Variants in CSF1R observed in about 807,000 individuals in gnomAD.
The protein encoded by CSF1R is macrophage colony-stimulating factor 1 receptor.
Under a neutral mutation model 110.0 loss-of-function variants are expected in CSF1R, and 40 were observed. That is an observed-to-expected ratio of 0.36 (90% CI 0.28 to 0.47). CSF1R has a LOEUF of 0.47. Ranked by LOEUF, CSF1R falls within the 20% of genes least tolerant of loss-of-function variation. CSF1R has a pLI of 0.99. For missense variants in CSF1R, 1,052 were observed against 1,253.0 expected, an observed-to-expected ratio of 0.84 and a Z score of 2.42; for synonymous variants, 523 against 503.4, an observed-to-expected ratio of 1.04 and a Z score of -0.52.
upstream of CSF1R, among the ~76,000 whole-genome samples, chr5:150,087,266 C>T (rs922241473): frequency 4.6e-5 from 7 of 152,172 alleles, no homozygotes; most frequent in Admixed American, 1.3e-4. Context: ...ATAGGAGAAA[C>T]GGAGTTTGTT....
At position 150,056,029 on chromosome 5, in the gene CSF1R, G is replaced by A; in HGVS notation, c.2551C>T (p.Leu851Phe). 6.2e-7 allele frequency: 1 copy of A among 1,614,094 alleles called. No homozygotes were observed. The highest frequency in any genetic ancestry group is 8.5e-7 in the Non-Finnish European group (1 of 1,179,938). The change falls in exon 18 of 21, where the codon CTT (leucine) becomes TTT (phenylalanine). Residue 851 changes from leucine to phenylalanine, a missense_variant. Physicochemically the swap from Leu to Phe is conservative, Grantham distance 22. Around this residue, in one of 5 missense-constraint regions of CSF1R, gnomAD observed 74 missense variants for 187.4 expected, o/e 0.39. Coordinates refer to ENST00000675795, the MANE Select transcript of CSF1R (RefSeq NM_001288705.3). ...YGILLWEIFS[L>F]GLNPYPGILV... is the part of the protein sequence containing the mutation. ...TGGAGTGGGCCCAGTGGCTCACCAA[G>A]TGAGAAGATCTCCCAGAGGAGGATG...
intron 1 of CSF1R, among the ~76,000 whole-genome samples, chr5:150,108,231 T>C (rs1759611157): frequency 6.6e-6 from 1 of 152,178 alleles, no homozygotes; most frequent in Non-Finnish European, 1.5e-5. Flanking sequence ...AGAGAAATCA[T>C]TTTCAGCTGA....
At chr5:150,107,794 T>C (rs1286725416) in intron 1 of CSF1R, among the ~76,000 whole-genome samples, 1 of 152,180 alleles carries the variant, frequency 6.6e-6, no homozygotes, top group Non-Finnish European at 1.5e-5. Flanking sequence ...CTTCATTATG[T>C]AAAATGGGGA....
Position 150,071,431 on chromosome 5 carries a change from G to A in CSF1R, c.1083-860C>T, listed in dbSNP as rs369492296. 9.3e-4 allele frequency among the ~76,000 whole-genome samples: 141 copies of A among 152,282 alleles called. 1 individual carries two copies. In the South Asian group the frequency reaches 0.019, roughly 21 times the overall value. On this transcript the variant is annotated intron_variant, in intron 6 of 20. Transcript: ENST00000675795. Reference sequence around the variant, plus strand: ...TATAGCAAATGGCCAGTTCTTGCTTGGGAAATGTCTGCAGCTACTACTAGA... The same window carrying A: ...TATAGCAAATGGCCAGTTCTTGCTTAGGAAATGTCTGCAGCTACTACTAGA...
chr5:150,053,998 C>G lies in CSF1R; in HGVS notation c.*71G>C. ...CGAAGGCAGAGTTTGTATGTTCTCC[C>G]CGTGTCGCCCCATCCATGGAGGAGT... On this transcript the variant is annotated 3_prime_UTR_variant, in exon 21 of 21. Coordinates refer to ENST00000675795, the MANE Select transcript of CSF1R (RefSeq NM_001288705.3). The G allele has an allele frequency of 6.8e-7, 1 of 1,462,168 alleles. No homozygotes were observed. Among genetic ancestry groups the G allele is most frequent in the Middle Eastern group, 1.8e-4 (1 of 5,500 alleles). 90.6% of individuals were successfully genotyped at this position (1,462,168 alleles called of 1,614,324 possible). A position where few individuals can be genotyped will look rare whatever the true frequency, so the allele number is the denominator to read the frequency against.
At chr5:150,111,596 A>T (rs933129362) in intron 1 of CSF1R, among the ~76,000 whole-genome samples, 2 of 152,194 alleles carry the variant, frequency 1.3e-5, no homozygotes, top group Admixed American at 1.3e-4. Flanking sequence ...AGAAGATAGG[A>T]GTTTTGTCGC....
chr5:150,080,363 C>G, intron 2 of CSF1R, 27 bp from the exon 3 acceptor site: 1 of 1,601,552 alleles, frequency 6.2e-7, no homozygotes, highest in African/African-American at 1.3e-5. Flanking sequence ...CACAGGGTTA[C>G]AACTGCCCTC....
intron 10 of CSF1R, among the ~76,000 whole-genome samples, chr5:150,066,725 GC>G (rs1757792162): frequency 1.3e-5 from 2 of 152,052 alleles, no homozygotes; most frequent in African/African-American, 4.8e-5. Flanking sequence ...TCTCACAAAA[GC>G]CCCAAGGGGG....
Position 150,073,486 on chromosome 5 carries a change from G to A in CSF1R, c.897C>T (p.Ala299=), listed in dbSNP as rs769027439. 6.2e-7 allele frequency: 1 copy of A among 1,612,896 alleles called. No individual in the cohort carries two copies. Among genetic ancestry groups the A allele is most frequent in the South Asian group, 1.1e-5 (1 of 90,982 alleles). ...TSMFFRVVES[A]YLNLSSEQNL... ...TCTGCTCAGAGCTCAAGTTCAAGTA[G>A]GCACTCTCTGGAAAGCAGAACACAC... is the stretch of plus-strand genomic sequence containing the variant. Residue 299 remains alanine, a synonymous_variant, in exon 6 of 21, where the codon GCC becomes GCT. Transcript: ENST00000675795.
At chr5:150,113,337 G>T in exon 1 of CSF1R, 1 of 154,384 alleles carries the variant, frequency 6.5e-6, no homozygotes, top group Non-Finnish European at 1.4e-5. Flanking sequence ...TCCTCACTTC[G>T]TGCTCTCACG....
intron 1 of CSF1R, among the ~76,000 whole-genome samples, chr5:150,104,242 T>C (rs765751301): frequency 6.6e-6 from 1 of 152,172 alleles, no homozygotes; most frequent in East Asian, 1.9e-4. Flanking sequence ...TGGTGGAACA[T>C]GTTTAGGTGG....
intron 1 of CSF1R, among the ~76,000 whole-genome samples, chr5:150,082,241 G>A (rs1450219998): frequency 1.3e-5 from 2 of 152,200 alleles, no homozygotes; most frequent in Non-Finnish European, 2.9e-5. Context: ...TGACAGGCCA[G>A]CCCCGAGGGC....
chr5:150,053,979 C>T lies in CSF1R; in HGVS notation c.*90G>A. Reference sequence around the variant, plus strand: ...AGCTGTTGAGTGAAATGACCGAAGGCAGAGTTTGTATGTTCTCCCCGTGTC... The same window carrying T: ...AGCTGTTGAGTGAAATGACCGAAGGTAGAGTTTGTATGTTCTCCCCGTGTC... On this transcript the variant is annotated 3_prime_UTR_variant, in exon 21 of 21. Coordinates refer to ENST00000675795, the MANE Select transcript of CSF1R (RefSeq NM_001288705.3). 7.5e-7 allele frequency: 1 copy of T among 1,329,164 alleles called. No individual in the cohort carries two copies. 82.3% of individuals were successfully genotyped at this position (1,329,164 alleles called of 1,614,324 possible).
intron 1 of CSF1R, among the ~76,000 whole-genome samples, chr5:150,106,073 C>G (rs1457247675): frequency 1.3e-5 from 2 of 152,248 alleles, no homozygotes; most frequent in Non-Finnish European, 2.9e-5. Flanking sequence ...GCACACTGCA[C>G]AGGGCGATCC....
rs984334332 is a variant in CSF1R, at chr5:150,070,279, A to G, written c.1222T>C (p.Trp408Arg). The change falls in exon 8 of 21, where the codon TGG becomes CGG. Residue 408 changes from tryptophan to arginine, a missense_variant. By Grantham distance (101) the Trp-to-Arg change is moderately radical (BLOSUM62 -3). Transcript: ENST00000675795. ...LRYPPEVSVI[W>R]TFINGSGTLL... Reference sequence around the variant, plus strand: ...GTGCCAGAGCCGTTGATGAATGTCCATATGACGCTTACCTCTGGGGGGTCT... The same window carrying G: ...GTGCCAGAGCCGTTGATGAATGTCCGTATGACGCTTACCTCTGGGGGGTCT... 6.2e-7 allele frequency: 1 copy of G among 1,614,136 alleles called. No homozygotes were observed. Among genetic ancestry groups the G allele is most frequent in the Non-Finnish European group, 8.5e-7 (1 of 1,179,998 alleles).
At chr5:150,061,980 C>CCT in intron 10 of CSF1R, 131 bp from the exon 11 acceptor site, 3 of 1,259,526 alleles carry the variant, frequency 2.4e-6, no homozygotes, top group African/African-American at 1.5e-5. Flanking sequence ...GCAAGGCCTG[C>CCT]TCTGGGCTGA....
chr5:150,068,357 G>T (rs752375224), intron 9 of CSF1R, 27 bp from the exon 10 acceptor site: 12 of 1,578,904 alleles, frequency 7.6e-6, no homozygotes, highest in Admixed American at 1.7e-5. Context: ...AAAGCAGTGA[G>T]CAGGCAGGGG....
chr5:150,059,207 G>A (rs984591708), intron 14 of CSF1R, among the ~76,000 whole-genome samples: 2 of 152,152 alleles, frequency 1.3e-5, no homozygotes, highest in Admixed American at 1.3e-4. Flanking sequence ...ACCACGCCCG[G>A]CTAATTTTGT....
intron 9 of CSF1R, among the ~76,000 whole-genome samples, chr5:150,068,570 C>T (rs1451867539): frequency 6.6e-6 from 1 of 152,178 alleles, no homozygotes; most frequent in Non-Finnish European, 1.5e-5. Context: ...GTCACAGCCT[C>T]CTGTGGCTGG....
Sources: allele counts gnomAD v4.1 joint callset (sites outside exome capture counted in the v4.1 genomes callset), GRCh38; gene constraint gnomAD v4.1.1; regional missense constraint gnomAD v4.1.1; transcripts MANE v1.5; gene names NCBI Gene and HGNC (gene_info 2026-07-23, HGNC 2026-07-21).